The following DNAH11 variants were observed in gnomAD, a reference collection of about 807,000 sequenced individuals.
DNAH11 encodes dynein axonemal heavy chain 11.
Under a neutral mutation model 526.0 loss-of-function variants are expected in DNAH11, and 442 were observed. The observed-to-expected ratio is 0.84, with a 90% CI of 0.78 to 0.91. DNAH11 has a LOEUF of 0.91. Among genes scored for constraint, DNAH11 ranks in the 40% least tolerant of loss-of-function variants. The pLI is 0.00. For missense variants in DNAH11, 6,989 were observed against 5,448.7 expected (o/e 1.28, Z -8.90); for synonymous variants, 2,461 against 1,935.9 (o/e 1.27, Z -7.12).
At chr7:21,612,862 A>G (rs938513903) in intron 20 of DNAH11, among the ~76,000 whole-genome samples, 3 of 152,230 alleles carry the variant, frequency 2.0e-5, no homozygotes, top group African/African-American at 7.2e-5. Flanking sequence ...ACATTAGAAA[A>G]TCAGTGTAAT....
chr7:21,616,425 G>GT (rs1785786976), intron 22 of DNAH11, 133 bp downstream of exon 22: 4 of 653,810 alleles, frequency 6.1e-6, no homozygotes, highest in East Asian at 5.8e-5. Context: ...AGCAGACAGT[G>GT]TTTTTTTCAC....
chr7:21,724,195 A>G (rs1784986443), intron 44 of DNAH11, among the ~76,000 whole-genome samples: 2 of 152,260 alleles, frequency 1.3e-5, no homozygotes, highest in Admixed American at 6.5e-5. Context: ...ATGGTGTCAC[A>G]TAAGTAATAT....
chr7:21,719,448 A>G (rs1365057494), intron 43 of DNAH11, among the ~76,000 whole-genome samples: 1 of 152,232 alleles, frequency 6.6e-6, no homozygotes, highest in Non-Finnish European at 1.5e-5. Context: ...GAAGAAACAC[A>G]TGGCCGTATT....
chr7:21,731,746 G>A (rs1250659818), intron 45 of DNAH11, among the ~76,000 whole-genome samples: 1 of 152,172 alleles, frequency 6.6e-6, no homozygotes, highest in Non-Finnish European at 1.5e-5. Context: ...GATCTGAGTA[G>A]CAGAATTAAA....
At chr7:21,726,811 A>G (rs1255950671) in intron 45 of DNAH11, among the ~76,000 whole-genome samples, 1 of 94,002 alleles carries the variant, frequency 1.1e-5, no homozygotes, top group Non-Finnish European at 2.0e-5. Context: ...CGGTGAGCCG[A>G]GATCGCGCCA....
At chr7:21,730,482 C>T (rs1482005783) in intron 45 of DNAH11, among the ~76,000 whole-genome samples, 1 of 152,184 alleles carries the variant, frequency 6.6e-6, no homozygotes, top group East Asian at 1.9e-4. Flanking sequence ...ACAAACATTT[C>T]AGATAAGGGA....
At chr7:21,802,326 T>C (rs1789031125) in intron 62 of DNAH11, among the ~76,000 whole-genome samples, 1 of 152,092 alleles carries the variant, frequency 6.6e-6, no homozygotes, top group Non-Finnish European at 1.5e-5. Context: ...ATAAAAAATA[T>C]GGACAGTAAT....
chr7:21,765,699 TCTC>T (rs1787154029), intron 55 of DNAH11, 110 bp downstream of exon 55: 5 of 1,313,972 alleles, frequency 3.8e-6, no homozygotes, highest in Non-Finnish European at 4.0e-6. Flanking sequence ...CCACAGTACA[TCTC>T]CTATCAGAAA....
chr7:21,591,958 C>T (rs569048326), intron 14 of DNAH11, among the ~76,000 whole-genome samples: 2 of 152,136 alleles, frequency 1.3e-5, no homozygotes, highest in Non-Finnish European at 2.9e-5. Flanking sequence ...TCAACCATCT[C>T]CTAAGGGTGG....
Position 21,832,710 on chromosome 7 carries a change from G to A in DNAH11, c.10692-9834G>A, listed in dbSNP as rs765707186. ...TTTGAGAAGAGATTACACTAGCACC[G>A]TTAGCCAATGTGATCCTCTAGAGTG... On this transcript the variant is annotated intron_variant, in intron 65 of 81. Transcript: ENST00000409508. Among the ~76,000 whole-genome samples the A allele has an allele frequency of 7.9e-5, 12 of 152,260 alleles. No homozygotes were observed. In the South Asian group the frequency reaches 8.3e-4, roughly 11 times the overall value.
At chr7:21,569,172 A>T (rs1460888478) in intron 6 of DNAH11, among the ~76,000 whole-genome samples, 1 of 152,192 alleles carries the variant, frequency 6.6e-6, no homozygotes, top group Admixed American at 6.5e-5. Context: ...ACATTTAGGG[A>T]AGAAGTGCTT....
chr7:21,597,893 T>A (rs1223107819), intron 14 of DNAH11, among the ~76,000 whole-genome samples: 2 of 152,204 alleles, frequency 1.3e-5, no homozygotes, highest in Non-Finnish European at 2.9e-5. Flanking sequence ...CTGTGTATAC[T>A]TTCCTAGGGT....
At chr7:21,853,342 A>G (rs1449101480) in intron 67 of DNAH11, among the ~76,000 whole-genome samples, 1 of 152,230 alleles carries the variant, frequency 6.6e-6, no homozygotes. Flanking sequence ...AAGCTGTGTC[A>G]CTACGCATCC....
At chr7:21,651,016 A>C (rs1253654011) in intron 28 of DNAH11, among the ~76,000 whole-genome samples, 1 of 152,010 alleles carries the variant, frequency 6.6e-6, no homozygotes, top group Admixed American at 6.6e-5. Context: ...AAGTTTTTAC[A>C]CATGTAAAAA....
intron 20 of DNAH11, among the ~76,000 whole-genome samples, chr7:21,611,030 C>T (rs1419153675): frequency 6.6e-6 from 1 of 152,226 alleles, no homozygotes; most frequent in South Asian, 2.1e-4. Flanking sequence ...GCTGGTAAAA[C>T]ATTATTTCTG....
intron 20 of DNAH11, among the ~76,000 whole-genome samples, chr7:21,613,425 G>A (rs547865526): frequency 2.6e-5 from 4 of 152,088 alleles, no homozygotes; most frequent in African/African-American, 9.7e-5. Context: ...GGGAACAAAC[G>A]CATATATCCT....
At chr7:21,631,197 C>G (rs1401013975) in intron 25 of DNAH11, among the ~76,000 whole-genome samples, 1 of 152,136 alleles carries the variant, frequency 6.6e-6, no homozygotes, top group Non-Finnish European at 1.5e-5. Context: ...GTCACGAGAA[C>G]AGCATGGGAA....
intron 35 of DNAH11, among the ~76,000 whole-genome samples, chr7:21,696,675 T>C (rs1485618414): frequency 6.6e-6 from 1 of 152,170 alleles, no homozygotes; most frequent in African/African-American, 2.4e-5. Flanking sequence ...GCATTACTCA[T>C]GTGTGGAGGC....
At chr7:21,789,411 C>T (rs1788337011) in intron 61 of DNAH11, 69 bp downstream of exon 61, 4 of 980,308 alleles carry the variant, frequency 4.1e-6, no homozygotes, top group Admixed American at 2.4e-5. Context: ...AGGATTCCAC[C>T]CTCAGACAGC....
Sources: gnomAD v4.1 joint callset for allele counts (sites outside exome capture counted in the v4.1 genomes callset) on GRCh38, gnomAD v4.1.1 for gene constraint, MANE v1.5 for transcripts, NCBI Gene and HGNC (gene_info 2026-07-23, HGNC 2026-07-21) for gene names.